MTUS2: variants seen among roughly 807,000 people sequenced by gnomAD.
MTUS2 encodes microtubule associated scaffold protein 2, also known as microtubule-associated tumor suppressor candidate 2.
In MTUS2, 40 loss-of-function variants were observed where a neutral mutation model predicts 114.1. That is an observed-to-expected ratio of 0.35 (90% CI 0.27 to 0.46). MTUS2 has a LOEUF of 0.46. MTUS2 is among the 20% of genes least tolerant of loss of function. The pLI, the probability that MTUS2 is intolerant of heterozygous loss-of-function variation, is 1.00. For missense variants in MTUS2, 1,679 were observed against 1,705.4 expected, an observed-to-expected ratio of 0.98 and a Z score of 0.27; for synonymous variants, 688 against 672.0, an observed-to-expected ratio of 1.02 and a Z score of -0.37.
At chr13:28,847,686 G>A (rs1227895273) in intron 2 of MTUS2, among the ~76,000 whole-genome samples, 1 of 152,140 alleles carries the variant, frequency 6.6e-6, no homozygotes. Flanking sequence ...CCTAGACTTT[G>A]TTTCATCTTG....
intron 8 of MTUS2, among the ~76,000 whole-genome samples, chr13:29,402,232 C>T (rs184092809): frequency 1.2e-3 from 189 of 152,174 alleles, no homozygotes; most frequent in African/African-American, 4.3e-3. Flanking sequence ...TCCCCAGACC[C>T]CACCACTCTA....
intron 5 of MTUS2, among the ~76,000 whole-genome samples, chr13:29,169,152 T>G (rs1450143008): frequency 2.0e-5 from 3 of 152,192 alleles, no homozygotes; most frequent in Non-Finnish European, 4.4e-5. Flanking sequence ...TTACTAATTT[T>G]CATAAACTGC....
At chr13:29,042,625 A>G (rs1887423402) in intron 4 of MTUS2, among the ~76,000 whole-genome samples, 2 of 151,746 alleles carry the variant, frequency 1.3e-5, no homozygotes, top group South Asian at 2.1e-4. Flanking sequence ...AATTTTTTTT[A>G]TTATCATTTC....
At chr13:28,899,546 A>T (rs1424770861) in intron 2 of MTUS2, among the ~76,000 whole-genome samples, 1 of 152,006 alleles carries the variant, frequency 6.6e-6, no homozygotes, top group Non-Finnish European at 1.5e-5. Context: ...AGTAGCTGGG[A>T]CTACAGGCGC....
chr13:28,962,192 GA>G (rs1366208166), intron 2 of MTUS2, among the ~76,000 whole-genome samples: 2 of 151,616 alleles, frequency 1.3e-5, no homozygotes, highest in African/African-American at 2.4e-5. Flanking sequence ...TACATGATGG[GA>G]AAAGCGTGTA....
Position 29,162,283 on chromosome 13 carries a change from AG to A in MTUS2, c.2644+61318del. Among the ~76,000 whole-genome samples, 2 of 152,312 alleles carry A rather than the reference AG, an allele frequency of 1.3e-5. 1 individual carries two copies. The highest frequency in any genetic ancestry group is 4.1e-4 in the South Asian group (2 of 4,824). ...CAGGGTCTGGGTGAACGTGAATTTT[AG>A]GGGGACACTATTAACTCAGTGTACA... On this transcript the variant is annotated intron_variant, in intron 5 of 15. Transcript: ENST00000612955.
At chr13:29,114,531 A>C (rs1463279333) in intron 5 of MTUS2, among the ~76,000 whole-genome samples, 1 of 152,240 alleles carries the variant, frequency 6.6e-6, no homozygotes, top group Non-Finnish European at 1.5e-5. Context: ...AAAGGTGGAC[A>C]GTATCAAAAC....
chr13:29,262,656 G>A (rs572348988), intron 5 of MTUS2, among the ~76,000 whole-genome samples: 31 of 152,252 alleles, frequency 2.0e-4, no homozygotes, highest in African/African-American at 7.5e-4. Context: ...CAGGCCCTGG[G>A]AAAACTACCC....
At chr13:28,986,737 A>G (rs538017365) in intron 2 of MTUS2, among the ~76,000 whole-genome samples, 1 of 152,260 alleles carries the variant, frequency 6.6e-6, no homozygotes, top group Non-Finnish European at 1.5e-5. Flanking sequence ...GTGTCTGCTG[A>G]TGTGTGTTCA....
chr13:28,972,832 A>T (rs1883914196), intron 2 of MTUS2, among the ~76,000 whole-genome samples: 1 of 152,158 alleles, frequency 6.6e-6, no homozygotes, highest in Admixed American at 6.5e-5. Context: ...CTTCTAAGAG[A>T]TGCTGATTTT....
At chr13:29,028,308 G>A (rs563429409) in intron 3 of MTUS2, among the ~76,000 whole-genome samples, 52 of 152,220 alleles carry the variant, frequency 3.4e-4, no homozygotes, top group African/African-American at 1.1e-3. Flanking sequence ...CTGAGACCAC[G>A]CCACTGCACT....
chr13:29,285,441 G>A (rs1427655236), intron 6 of MTUS2, among the ~76,000 whole-genome samples: 1 of 152,142 alleles, frequency 6.6e-6, no homozygotes, highest in Non-Finnish European at 1.5e-5. Flanking sequence ...GTTGATAAAA[G>A]CAATGATCAT....
chr13:29,387,261 G>A (rs1336227693), intron 8 of MTUS2, among the ~76,000 whole-genome samples: 2 of 152,212 alleles, frequency 1.3e-5, no homozygotes, highest in Middle Eastern at 3.2e-3. Context: ...CTAAAGAAGT[G>A]ACCACTGAGC....
chr13:28,826,036 C>T (rs893919447), intron 1 of MTUS2, among the ~76,000 whole-genome samples: 1 of 152,104 alleles, frequency 6.6e-6, no homozygotes, highest in African/African-American at 2.4e-5. Flanking sequence ...TGATACTCCT[C>T]TTTAGCTTTT....
intron 5 of MTUS2, among the ~76,000 whole-genome samples, chr13:29,131,822 G>T (rs1109007): frequency 0.45 from 67,718 of 152,140 alleles, 16,246 homozygotes; most frequent in Non-Finnish European, 0.52. Context: ...ACACCAGTTT[G>T]TTCCCAGTAT....
At chr13:29,129,563 G>T (rs553180352) in intron 5 of MTUS2, among the ~76,000 whole-genome samples, 1 of 75,320 alleles carries the variant, frequency 1.3e-5, no homozygotes, top group African/African-American at 4.2e-5. Context: ...TTACTTTGTA[G>T]TTTTTTTTAT....
At chr13:29,032,414 A>G (rs1161865739) in intron 3 of MTUS2, among the ~76,000 whole-genome samples, 1 of 152,208 alleles carries the variant, frequency 6.6e-6, no homozygotes. Context: ...ATTTCTTCAT[A>G]AGAGCACCTG....
chr13:29,222,353 T>C (rs912436466), intron 5 of MTUS2, among the ~76,000 whole-genome samples: 4 of 152,182 alleles, frequency 2.6e-5, no homozygotes, highest in Non-Finnish European at 5.9e-5. Context: ...CTGCCATTCT[T>C]TTTTCTTTAT....
At chr13:29,248,059 A>C (rs1307972845) in intron 5 of MTUS2, among the ~76,000 whole-genome samples, 1 of 152,266 alleles carries the variant, frequency 6.6e-6, no homozygotes, top group Non-Finnish European at 1.5e-5. Context: ...ATGGAATACT[A>C]TTCAGCCATA....
Sources: gnomAD v4.1 joint callset for allele counts (sites outside exome capture counted in the v4.1 genomes callset) on GRCh38, gnomAD v4.1.1 for gene constraint, MANE v1.5 for transcripts, NCBI Gene and HGNC (gene_info 2026-07-23, HGNC 2026-07-21) for gene names.